LAMA1: variants seen among roughly 807,000 people sequenced by gnomAD.
LAMA1 encodes the protein laminin subunit alpha 1.
LAMA1 carries 219 observed loss-of-function variants against 348.7 expected under a neutral mutation model. The observed-to-expected ratio is 0.63, with a 90% CI of 0.56 to 0.70. The LOEUF is 0.70. Ranked by LOEUF, LAMA1 falls within the 30% of genes least tolerant of loss-of-function variation. LAMA1 has a pLI of 0.00. For missense variants in LAMA1, 3,744 were observed against 3,888.0 expected, an observed-to-expected ratio of 0.96 and a Z score of 0.99; for synonymous variants, 1,487 against 1,491.0, an observed-to-expected ratio of 1.00 and a Z score of 0.06.
chr18:7,052,570 C>T (rs1464357649), intron 3 of LAMA1, among the ~76,000 whole-genome samples: 2 of 151,518 alleles, frequency 1.3e-5, no homozygotes, highest in East Asian at 1.9e-4. Flanking sequence ...CTACTAAATA[C>T]AAAAAAATTA....
chr18:6,966,273 G>A lies in LAMA1; in HGVS notation c.6924C>T (p.Phe2308=). ...CAGAGTACCCACTCCCGTCAAAATG[G>A]AAGGAAGGGTCTTCATTCTGGGAGC... ...FGSSQNEDPS[F]HFDGSGYSVV... The change falls in exon 49 of 63, where the codon TTC becomes TTT. Residue 2308 remains phenylalanine, a synonymous_variant. Transcript: ENST00000389658. 1 of 1,613,880 alleles carries A rather than the reference G, an allele frequency of 6.2e-7. No individual in the cohort carries two copies. The highest frequency in any genetic ancestry group is 8.5e-7 in the Non-Finnish European group (1 of 1,179,946).
chr18:7,071,554 C>T (rs1034503762), intron 3 of LAMA1, among the ~76,000 whole-genome samples: 5 of 152,142 alleles, frequency 3.3e-5, no homozygotes, highest in Non-Finnish European at 7.4e-5. Flanking sequence ...AGAAAAAGCA[C>T]CAAAATGTCA....
intron 9 of LAMA1, among the ~76,000 whole-genome samples, chr18:7,041,119 G>A (rs1164477799): frequency 6.6e-6 from 1 of 151,966 alleles, no homozygotes; most frequent in Admixed American, 6.5e-5. Flanking sequence ...CTTCAAATGG[G>A]AGAACTGTAT....
rs757465411 is a variant in LAMA1, at chr18:6,983,137, C to T, written c.5758G>A (p.Ala1920Thr). The T allele has an allele frequency of 1.4e-5, 22 of 1,614,004 alleles. No individual in the cohort carries two copies. The African/African-American group carries it at 2.8e-4, about 21-fold the overall frequency. The change falls in exon 40 of 63, where the codon GCC (alanine) becomes ACC (threonine). Residue 1920 changes from alanine (A) to threonine (T), a missense_variant. Physicochemically the swap from Ala to Thr is moderately conservative, Grantham distance 58. This residue lies in a region of LAMA1 where 1,983 missense variants were observed against 1,934.3 expected (regional missense o/e 1.03). Coordinates refer to ENST00000389658, the MANE Select transcript of LAMA1 (RefSeq NM_005559.4). ...QSLIEESEEL[A>T]RDAHRTVTET... ...GTCACAGTCCTGTGAGCATCTCTGGCCAGTTCCTCCGATTCTTCAATCAGG... is the reference window on the plus strand; with the variant it reads ...GTCACAGTCCTGTGAGCATCTCTGGTCAGTTCCTCCGATTCTTCAATCAGG...
chr18:6,969,251 G>A (rs770533446), intron 48 of LAMA1, among the ~76,000 whole-genome samples: 4 of 151,978 alleles, frequency 2.6e-5, no homozygotes, highest in East Asian at 3.9e-4. Context: ...ACAGGCGCAC[G>A]CCACCATGCC....
At chr18:7,085,413 C>CTT (rs36122063) in intron 1 of LAMA1, among the ~76,000 whole-genome samples, 902 of 85,126 alleles carry the variant, frequency 0.011, 2 homozygotes, top group Middle Eastern at 0.013. Context: ...TCTTCTTCTT[C>CTT]TTTTTTTTTT....
Position 7,043,329 on chromosome 18 carries a change from A to G in LAMA1, c.1053T>C (p.Thr351=), listed in dbSNP as rs200366249. 2.7e-5 allele frequency: 43 copies of G among 1,614,024 alleles called. No individual in the cohort carries two copies. The highest frequency in any genetic ancestry group is 1.7e-5 in the Admixed American group (1 of 60,004). ...CCCCTCCTCCTCTGAACTGTCCAGCAGTATTCAAACTTTTCTTCTGCTTTG... is the reference window on the plus strand; with the variant it reads ...CCCCTCCTCCTCTGAACTGTCCAGCGGTATTCAAACTTTTCTTCTGCTTTG... ...SVAKQKKSLN[T]AGQFRGGGVC... The change falls in exon 8 of 63, where the codon ACT becomes ACC. Residue 351 remains threonine (T), a synonymous_variant. Transcript: ENST00000389658.
At chr18:6,967,795 C>T (rs934161725) in intron 48 of LAMA1, among the ~76,000 whole-genome samples, 9 of 152,290 alleles carry the variant, frequency 5.9e-5, no homozygotes, top group Admixed American at 3.9e-4. Flanking sequence ...CTCTCCAGAG[C>T]CCGTGAGCCC....
chr18:6,954,960 C>G, intron 57 of LAMA1: 2 of 328,982 alleles, frequency 6.1e-6, no homozygotes, highest in Non-Finnish European at 1.2e-5. Flanking sequence ...GTGTGGCACT[C>G]GGGATTTTGG....
At chr18:7,080,938 T>G (rs1218159232) in intron 1 of LAMA1, among the ~76,000 whole-genome samples, 2 of 152,314 alleles carry the variant, frequency 1.3e-5, no homozygotes, top group East Asian at 3.9e-4. Context: ...TCCAATTCAC[T>G]TCGAAATGCA....
chr18:7,044,655 G>A (rs2058034535), intron 7 of LAMA1, 67 bp downstream of exon 7: 1 of 1,219,374 alleles, frequency 8.2e-7, no homozygotes, highest in Non-Finnish European at 1.2e-6. Flanking sequence ...AAGTTGTTAA[G>A]ACACCATAAA....
intron 29 of LAMA1, among the ~76,000 whole-genome samples, chr18:7,004,584 C>T (rs2057823813): frequency 1.3e-5 from 2 of 152,230 alleles, no homozygotes; most frequent in South Asian, 4.1e-4. Flanking sequence ...ACTCCCAGCC[C>T]CAGGTGATCC....
At chr18:7,109,560 G>A (rs1033671659) in intron 1 of LAMA1, among the ~76,000 whole-genome samples, 11 of 152,180 alleles carry the variant, frequency 7.2e-5, no homozygotes, top group African/African-American at 2.2e-4. Flanking sequence ...TGCAGCCTGT[G>A]CATGAGTGGT....
chr18:7,095,041 C>T (rs1424906422), intron 1 of LAMA1, among the ~76,000 whole-genome samples: 1 of 149,116 alleles, frequency 6.7e-6, no homozygotes, highest in Admixed American at 6.7e-5. Flanking sequence ...AGATTCTATC[C>T]GATTCCAGCA....
intron 3 of LAMA1, chr18:7,079,717 C>T (rs576280332): frequency 4.0e-6 from 2 of 502,452 alleles, no homozygotes; most frequent in Non-Finnish European, 3.6e-6. Context: ...GATGAGTGTG[C>T]CCTGTTGACA....
chr18:6,943,352 C>T lies in LAMA1; in HGVS notation c.8895G>A (p.Glu2965=). The T allele has an allele frequency of 6.2e-7, 1 of 1,614,084 alleles. No individual in the cohort carries two copies. The highest frequency in any genetic ancestry group is 1.7e-5 in the Admixed American group (1 of 60,014). The change falls in exon 62 of 63, where the codon GAG becomes GAA. Residue 2965 remains glutamate (E), a synonymous_variant. Coordinates refer to ENST00000389658, the MANE Select transcript of LAMA1 (RefSeq NM_005559.4). ...NGAGRITAAY[E]PKTATVLCDG... ...CACAGAGCACAGTGGCGGTTTTGGGCTCATATGCAGCTGTTATCCTGCCAG... is the reference window on the plus strand; with the variant it reads ...CACAGAGCACAGTGGCGGTTTTGGGTTCATATGCAGCTGTTATCCTGCCAG...
At chr18:7,061,739 A>G (rs2058102602) in intron 3 of LAMA1, among the ~76,000 whole-genome samples, 1 of 152,196 alleles carries the variant, frequency 6.6e-6, no homozygotes, top group Non-Finnish European at 1.5e-5. Flanking sequence ...TCCATAAAAA[A>G]GCAAAACTGG....
chr18:7,063,148 G>A (rs970682352), intron 3 of LAMA1, among the ~76,000 whole-genome samples: 2 of 152,152 alleles, frequency 1.3e-5, no homozygotes, highest in African/African-American at 2.4e-5. Flanking sequence ...TAGCTGAATC[G>A]TTGATAGTTT....
chr18:7,116,993 C>A (rs1461517857), intron 1 of LAMA1, among the ~76,000 whole-genome samples: 2 of 152,140 alleles, frequency 1.3e-5, no homozygotes, highest in Non-Finnish European at 2.9e-5. Context: ...AGTGAATGAG[C>A]GGGTTTGGCC....
Sources: gnomAD v4.1 joint callset for allele counts (sites outside exome capture counted in the v4.1 genomes callset) on GRCh38, gnomAD v4.1.1 for gene constraint, gnomAD v4.1.1 regional missense constraint, MANE v1.5 for transcripts, NCBI Gene and HGNC (gene_info 2026-07-23, HGNC 2026-07-21) for gene names.